The following AMOTL1 variants were observed in gnomAD, a reference collection of about 807,000 sequenced individuals.
The protein encoded by AMOTL1 is angiomotin like 1.
AMOTL1 carries 45 observed loss-of-function variants against 102.9 expected under a neutral mutation model. That is an observed-to-expected ratio of 0.44 (90% CI 0.34 to 0.56). The LOEUF (loss-of-function observed/expected upper bound fraction) is 0.56. AMOTL1 is among the 20% of genes least tolerant of loss of function. AMOTL1 has a pLI of 0.01. For missense variants in AMOTL1, 1,114 were observed against 1,225.6 expected (o/e 0.91, Z 1.36); for synonymous variants, 481 against 484.7 (o/e 0.99, Z 0.10).
At chr11:94,796,454 G>A (rs966419244) in intron 2 of AMOTL1, among the ~76,000 whole-genome samples, 1 of 152,268 alleles carries the variant, frequency 6.6e-6, no homozygotes, top group Non-Finnish European at 1.5e-5. Flanking sequence ...CTCTGCTCCC[G>A]GGAGTTTGAA....
intron 1 of AMOTL1, among the ~76,000 whole-genome samples, chr11:94,719,902 G>A (rs191782942): frequency 1.3e-5 from 2 of 152,042 alleles, no homozygotes; most frequent in South Asian, 2.1e-4. Flanking sequence ...AAGAAATACG[G>A]GCACCCAAGG....
intron 1 of AMOTL1, among the ~76,000 whole-genome samples, chr11:94,721,842 A>T (rs895240704): frequency 6.6e-6 from 1 of 152,126 alleles, no homozygotes; most frequent in African/African-American, 2.4e-5. Context: ...ACAGTGCTGG[A>T]TTGGTTGGCA....
Position 94,864,777 on chromosome 11 carries a change from A to C in AMOTL1, c.2178A>C (p.Gly726=). 6.2e-7 allele frequency: 1 copy of C among 1,613,806 alleles called. No individual in the cohort carries two copies. Among genetic ancestry groups the C allele is most frequent in the South Asian group, 1.1e-5 (1 of 91,030 alleles). The change falls in exon 10 of 13, where the codon GGA becomes GGC. Residue 726 remains glycine (G), a synonymous_variant. Coordinates refer to ENST00000433060, the MANE Select transcript of AMOTL1 (RefSeq NM_130847.3). ...IINHSRNGSY[G]ESSLEAHIWQ... ...ACCACTCACGGAATGGCAGCTACGG[A>C]GAGAGCTCGCTGGAGGCCCACATCT...
At chr11:94,796,879 C>A in intron 2 of AMOTL1, 1 of 498,038 alleles carries the variant, frequency 2.0e-6, no homozygotes, top group Non-Finnish European at 2.6e-6. Context: ...TTTACATACA[C>A]ATATAGATGT....
intron 3 of AMOTL1, among the ~76,000 whole-genome samples, chr11:94,750,761 T>G (rs1327949198): frequency 6.6e-6 from 1 of 152,190 alleles, no homozygotes; most frequent in Non-Finnish European, 1.5e-5. Flanking sequence ...ACAGGAAACC[T>G]CACCCTACCA....
chr11:94,830,282 C>T (rs940452350), intron 5 of AMOTL1, 88 bp downstream of exon 5: 1 of 1,266,666 alleles, frequency 7.9e-7, no homozygotes, highest in Non-Finnish European at 1.1e-6. Flanking sequence ...AGTGCTTTGC[C>T]ACAGGTACTG....
chr11:94,707,054 T>C (rs1949940123), intron 1 of AMOTL1, among the ~76,000 whole-genome samples: 1 of 152,048 alleles, frequency 6.6e-6, no homozygotes, highest in Non-Finnish European at 1.5e-5. Context: ...CTTCCCTTCT[T>C]TCTCAGGAGT....
chr11:94,768,266 G>T, upstream of AMOTL1: 1 of 1,214,424 alleles, frequency 8.2e-7, no homozygotes, highest in Non-Finnish European at 1.0e-6. Context: ...CGGGCGCCAC[G>T]GCGGGGGTGG....
chr11:94,744,626 A>G lies in AMOTL1; in HGVS notation c.136+3638A>G, dbSNP rs552762125. Among the ~76,000 whole-genome samples, 11 of 152,206 alleles carry G rather than the reference A, an allele frequency of 7.2e-5. No individual in the cohort carries two copies. In the South Asian group the frequency reaches 8.3e-4, roughly 11 times the overall value. Reference sequence around the variant, plus strand: ...AATAGGTCGGTGGGCTGGAAATTCCAACTTTTTTTTTCCTCAATGTAATTT... The same window carrying G: ...AATAGGTCGGTGGGCTGGAAATTCCGACTTTTTTTTTCCTCAATGTAATTT... On this transcript the variant is annotated intron_variant, in intron 3 of 4. Transcript: ENST00000299004.
At chr11:94,811,511 T>G (rs368718591) in intron 3 of AMOTL1, among the ~76,000 whole-genome samples, 3 of 151,622 alleles carry the variant, frequency 2.0e-5, no homozygotes, top group South Asian at 2.1e-4. Context: ...AAAAAAAAAT[T>G]CTTTTTTTTA....
At position 94,772,338 on chromosome 11, in the gene AMOTL1, T is replaced by G. The variant is rs558903256; in HGVS notation, c.49+3778T>G. ...TTTATTACCCCAATGATCTCCCTTA[T>G]GCTACACCTCTATAGTTGCACTGGC... On this transcript the variant is annotated intron_variant, in intron 1 of 12. Transcript: ENST00000433060. Among the ~76,000 whole-genome samples the G allele has an allele frequency of 2.1e-4, 32 of 152,232 alleles. 1 individual carries two copies. The highest frequency in any genetic ancestry group is 7.5e-4 in the African/African-American group (31 of 41,460).
intron 1 of AMOTL1, among the ~76,000 whole-genome samples, chr11:94,792,326 T>C (rs73514274): frequency 0.031 from 4,711 of 152,134 alleles, 188 homozygotes; most frequent in African/African-American, 0.095. Flanking sequence ...GACACTGACA[T>C]GGACTGGGGG....
chr11:94,812,115 C>T lies in AMOTL1; in HGVS notation c.1122-9415C>T, dbSNP rs1187600014. On this transcript the variant is annotated intron_variant, in intron 3 of 12. Transcript: ENST00000433060. ...GCCTCAGCAAATTGTCCTATTGATC[C>T]GAGCCTTAAAGGTATCTTAAGCTGC... is the stretch of plus-strand genomic sequence containing the variant. 5.9e-5 allele frequency among the ~76,000 whole-genome samples: 9 copies of T among 152,128 alleles called. No individual in the cohort carries two copies. The South Asian group carries it at 8.3e-4, about 14-fold the overall frequency.
chr11:94,864,225 A>G (rs1334981870), intron 9 of AMOTL1, among the ~76,000 whole-genome samples: 2 of 151,252 alleles, frequency 1.3e-5, no homozygotes, highest in African/African-American at 4.9e-5. Flanking sequence ...ATGAAAAAGT[A>G]CAAGCATGGA....
chr11:94,857,122 C>A (rs1952683995), intron 8 of AMOTL1, among the ~76,000 whole-genome samples: 1 of 152,336 alleles, frequency 6.6e-6, no homozygotes, highest in African/African-American at 2.4e-5. Context: ...AGTAAGTCAT[C>A]TTTCTGAGCC....
intron 6 of AMOTL1, among the ~76,000 whole-genome samples, chr11:94,846,156 T>C (rs1026180287): frequency 6.6e-6 from 1 of 152,224 alleles, no homozygotes; most frequent in African/African-American, 2.4e-5. Flanking sequence ...ACTGCCTTGA[T>C]ACCCCATCTT....
chr11:94,768,290 A>G, upstream of AMOTL1: 1 of 1,322,794 alleles, frequency 7.6e-7, no homozygotes, highest in Non-Finnish European at 9.6e-7. Flanking sequence ...GTAGGGTTCT[A>G]GTGACGAGCC....
At chr11:94,843,623 A>G (rs183975056) in intron 6 of AMOTL1, among the ~76,000 whole-genome samples, 1 of 152,330 alleles carries the variant, frequency 6.6e-6, no homozygotes, top group Admixed American at 6.5e-5. Flanking sequence ...TCTGTTCAGT[A>G]TTATCAGATA....
At chr11:94,821,259 T>C (rs1328935905) in intron 3 of AMOTL1, among the ~76,000 whole-genome samples, 1 of 152,270 alleles carries the variant, frequency 6.6e-6, no homozygotes, top group Non-Finnish European at 1.5e-5. Flanking sequence ...TGTTACGTTT[T>C]GATACTTGGC....
Sources: gnomAD v4.1 joint callset for allele counts (sites outside exome capture counted in the v4.1 genomes callset) on GRCh38, gnomAD v4.1.1 for gene constraint, MANE v1.5 for transcripts, NCBI Gene and HGNC (gene_info 2026-07-23, HGNC 2026-07-21) for gene names.